The following SORCS3 variants were observed in gnomAD, a reference collection of about 807,000 sequenced individuals.
SORCS3 encodes the protein sortilin related VPS10 domain containing receptor 3.
Under a neutral mutation model 146.3 loss-of-function variants are expected in SORCS3, and 57 were observed. That is an observed-to-expected ratio of 0.39 (90% confidence interval 0.31 to 0.49). SORCS3 has a LOEUF of 0.49. SORCS3 is among the 20% of genes least tolerant of loss of function. SORCS3 has a pLI of 0.92. For missense variants in SORCS3, 1,341 were observed against 1,575.5 expected (o/e 0.85, Z 2.52); for synonymous variants, 653 against 618.5 (o/e 1.06, Z -0.83).
chr10:105,024,003 A>C (rs558480435), intron 4 of SORCS3, among the ~76,000 whole-genome samples: 33 of 152,278 alleles, frequency 2.2e-4, no homozygotes, highest in African/African-American at 7.0e-4. Context: ...GGAGATGGGA[A>C]GGCACTGGCC....
rs1035600012 is a variant in SORCS3, at chr10:105,079,641, G to A, written c.1029-10134G>A. On this transcript the variant is annotated intron_variant, in intron 5 of 26. Coordinates refer to ENST00000369701, the MANE Select transcript of SORCS3 (RefSeq NM_014978.3). ...TTTATAGGTAAACTCATGTCATGGG[G>A]GTTTGATGTACAGATTATTTTGTCA... 3.3e-5 allele frequency among the ~76,000 whole-genome samples: 5 copies of A among 151,998 alleles called. No individual in the cohort carries two copies. In the East Asian group the frequency reaches 9.6e-4, roughly 29 times the overall value.
intron 2 of SORCS3, among the ~76,000 whole-genome samples, chr10:104,894,759 C>A (rs775025188): frequency 1.2e-4 from 18 of 151,974 alleles, no homozygotes; most frequent in Non-Finnish European, 2.5e-4. Context: ...GTCCTATTAC[C>A]AAATTGGGGA....
Position 104,806,909 on chromosome 10 carries a change from G to A in SORCS3, c.628-35883G>A, listed in dbSNP as rs530999682. Among the ~76,000 whole-genome samples, 4 of 152,240 alleles carry A rather than the reference G, an allele frequency of 2.6e-5. No individual in the cohort carries two copies. In the South Asian group the frequency reaches 6.2e-4, roughly 24 times the overall value. On this transcript the variant is annotated intron_variant, in intron 1 of 26. Transcript: ENST00000369701. ...GGAAGAGAACTAAGGGGTGTTTGCC[G>A]TTTTAGGGTTTAGTCTGAGCTGTTG...
chr10:105,100,211 T>A (rs1365240699), intron 6 of SORCS3, among the ~76,000 whole-genome samples: 2 of 152,212 alleles, frequency 1.3e-5, no homozygotes, highest in Non-Finnish European at 2.9e-5. Flanking sequence ...GACTTTTCGT[T>A]TTTGTAAGTG....
At chr10:105,060,968 T>TA (rs1589613950) in intron 5 of SORCS3, among the ~76,000 whole-genome samples, 5 of 151,900 alleles carry the variant, frequency 3.3e-5, no homozygotes, top group East Asian at 3.9e-4. Flanking sequence ...ACAAAAAAGT[T>TA]AAAAACAATT....
intron 20 of SORCS3, among the ~76,000 whole-genome samples, chr10:105,237,249 G>A (rs999528492): frequency 1.3e-5 from 2 of 152,126 alleles, no homozygotes; most frequent in Non-Finnish European, 2.9e-5. Flanking sequence ...CTTCTTTGCT[G>A]TATGCCTTTA....
At chr10:104,749,377 G>C (rs1250379399) in intron 1 of SORCS3, among the ~76,000 whole-genome samples, 2 of 151,996 alleles carry the variant, frequency 1.3e-5, no homozygotes, top group Non-Finnish European at 2.9e-5. Flanking sequence ...TTCTGCATCA[G>C]CTGTTTTCCT....
chr10:104,642,950 C>G (rs575992933), intron 1 of SORCS3, among the ~76,000 whole-genome samples: 1 of 152,252 alleles, frequency 6.6e-6, no homozygotes, highest in Non-Finnish European at 1.5e-5. Flanking sequence ...AGCGCGTGCC[C>G]GGAGGGGCTC....
chr10:104,867,736 G>A (rs2018475622), intron 2 of SORCS3, among the ~76,000 whole-genome samples: 1 of 152,150 alleles, frequency 6.6e-6, no homozygotes, highest in Non-Finnish European at 1.5e-5. Context: ...GGTGACATGA[G>A]TTGAGACCTC....
intron 20 of SORCS3, among the ~76,000 whole-genome samples, chr10:105,233,919 A>G (rs2119696886): frequency 6.6e-6 from 1 of 152,356 alleles, no homozygotes; most frequent in African/African-American, 2.4e-5. Flanking sequence ...CTTTGGGTAT[A>G]TACCCAGTAA....
At chr10:105,168,200 G>T (rs2056330212) in intron 13 of SORCS3, among the ~76,000 whole-genome samples, 1 of 152,060 alleles carries the variant, frequency 6.6e-6, no homozygotes, top group Admixed American at 6.6e-5. Context: ...CTACTGAATG[G>T]ATGATAAGCA....
intron 1 of SORCS3, among the ~76,000 whole-genome samples, chr10:104,720,375 A>C (rs60047928): frequency 0.014 from 2,083 of 152,224 alleles, 47 homozygotes; most frequent in African/African-American, 0.045. Flanking sequence ...CCAGTCTATC[A>C]TTGTTGGACA....
intron 5 of SORCS3, among the ~76,000 whole-genome samples, chr10:105,084,085 A>T (rs1009858622): frequency 1.3e-5 from 2 of 152,220 alleles, no homozygotes; most frequent in Non-Finnish European, 2.9e-5. Context: ...TAAGTAGAGA[A>T]AAAATCATTC....
intron 12 of SORCS3, among the ~76,000 whole-genome samples, chr10:105,165,470 C>T (rs914662621): frequency 2.0e-5 from 3 of 152,124 alleles, no homozygotes; most frequent in Admixed American, 2.0e-4. Flanking sequence ...CCATCATCAT[C>T]ATCCCCATTG....
At chr10:105,232,600 G>A (rs993822372) in intron 20 of SORCS3, among the ~76,000 whole-genome samples, 1 of 131,608 alleles carries the variant, frequency 7.6e-6, no homozygotes, top group Non-Finnish European at 1.7e-5. Context: ...TTTTTTTCTT[G>A]TTTCCTGAGA....
At chr10:105,153,823 C>A (rs1564768571) in intron 9 of SORCS3, among the ~76,000 whole-genome samples, 1 of 152,024 alleles carries the variant, frequency 6.6e-6, no homozygotes, top group Non-Finnish European at 1.5e-5. Context: ...GTAATCCCAG[C>A]ACTTTGGGAG....
At chr10:105,122,956 C>T (rs2055945230) in intron 7 of SORCS3, among the ~76,000 whole-genome samples, 1 of 152,188 alleles carries the variant, frequency 6.6e-6, no homozygotes, top group African/African-American at 2.4e-5. Context: ...TCATCATTAA[C>T]TCATTGGGTG....
chr10:105,224,432 G>A (rs1389339060), intron 20 of SORCS3, among the ~76,000 whole-genome samples: 2 of 152,026 alleles, frequency 1.3e-5, no homozygotes, highest in East Asian at 3.8e-4. Flanking sequence ...TTTCTTTTCA[G>A]TGCTGAATAA....
chr10:105,048,954 A>G lies in SORCS3; in HGVS notation c.1028+5826A>G, dbSNP rs192420615. 5.3e-4 allele frequency among the ~76,000 whole-genome samples: 81 copies of G among 152,186 alleles called. 2 individuals carry two copies. The East Asian group carries it at 0.012, about 22-fold the overall frequency. ...GCAATATCTTATTACACAAAGATACATGCTTTATTCTGTTTTATTTTTTAT... is the reference window on the plus strand; with the variant it reads ...GCAATATCTTATTACACAAAGATACGTGCTTTATTCTGTTTTATTTTTTAT... On this transcript the variant is annotated intron_variant, in intron 5 of 26. Coordinates refer to ENST00000369701, the MANE Select transcript of SORCS3 (RefSeq NM_014978.3).
Sources: allele counts gnomAD v4.1 joint callset (sites outside exome capture counted in the v4.1 genomes callset), GRCh38; gene constraint gnomAD v4.1.1; transcripts MANE v1.5; gene names NCBI Gene and HGNC (gene_info 2026-07-23, HGNC 2026-07-21).